Variants in ICE1 observed in about 807,000 individuals in gnomAD.
ICE1 encodes interactor of little elongation complex ELL subunit 1, also known as little elongation complex subunit 1.
ICE1 carries 64 observed loss-of-function variants against 192.7 expected under a neutral mutation model. The observed-to-expected ratio is 0.33, with a 90% CI of 0.27 to 0.41. ICE1 has a LOEUF of 0.41. Ranked by LOEUF, ICE1 falls within the 10% of genes least tolerant of loss-of-function variation. The pLI is 1.00. For missense variants in ICE1, 2,708 were observed against 2,696.0 expected (o/e 1.00, Z -0.10); for synonymous variants, 1,010 against 984.5 (o/e 1.03, Z -0.49).
At chr5:5,484,710 T>C (rs1473491408) in intron 17 of ICE1, among the ~76,000 whole-genome samples, 1 of 152,184 alleles carries the variant, frequency 6.6e-6, no homozygotes, top group Non-Finnish European at 1.5e-5. Flanking sequence ...CTAGTTCCTG[T>C]AGAGGATACA....
intron 11 of ICE1, among the ~76,000 whole-genome samples, chr5:5,455,573 A>C (rs1416469833): frequency 1.3e-5 from 2 of 152,202 alleles, no homozygotes; most frequent in Non-Finnish European, 2.9e-5. Context: ...TTCATTTCAT[A>C]ATCTAATGTT....
At position 5,463,318 on chromosome 5, in the gene ICE1, G is replaced by GC; in HGVS notation, c.3984_3985insC (p.Gly1329ArgfsTer12). The GC allele has an allele frequency of 1.2e-6, 2 of 1,613,630 alleles. No homozygotes were observed. Among genetic ancestry groups the GC allele is most frequent in the Non-Finnish European group, 1.7e-6 (2 of 1,179,802 alleles). On this transcript the variant is annotated frameshift_variant, in exon 13 of 19. Coordinates refer to ENST00000296564, the MANE Select transcript of ICE1 (RefSeq NM_015325.3). LOFTEE classifies it high-confidence loss of function. ...CACAAGCAGCTGCCTTGGACACTGA[G>GC]GGCAGCTCTCCCATCAGCGGTATGC...
At chr5:5,474,038 G>A (rs1267513626) in intron 16 of ICE1, among the ~76,000 whole-genome samples, 17 of 151,822 alleles carry the variant, frequency 1.1e-4, no homozygotes, top group Non-Finnish European at 2.1e-4. Context: ...ATGAAACCCC[G>A]TCTCTACTAA....
In ICE1 at chr5:5,467,222, C is replaced by CA. The variant is rs568762579; in HGVS notation, c.6061+721dup. 2.3e-3 allele frequency among the ~76,000 whole-genome samples: 348 copies of CA among 152,308 alleles called. 1 individual carries two copies. The highest frequency in any genetic ancestry group is 3.7e-3 in the Non-Finnish European group (255 of 68,036). On this transcript the variant is annotated intron_variant, in intron 14 of 18. Coordinates refer to ENST00000296564, the MANE Select transcript of ICE1 (RefSeq NM_015325.3). ...TTCTTTGTTTACTCTCTCAGTCATT[C>CA]ATTCAACAAATCATTATGGAGTGAA...
chr5:5,488,698 C>A (rs1739692762), intron 18 of ICE1, among the ~76,000 whole-genome samples: 1 of 152,232 alleles, frequency 6.6e-6, no homozygotes. Context: ...TTCATTATAT[C>A]TCTTATTATG....
chr5:5,441,091 A>T (rs1165869928), intron 4 of ICE1, 21 bp from the exon 5 acceptor site: 1 of 1,349,486 alleles, frequency 7.4e-7, no homozygotes, highest in Non-Finnish European at 1.0e-6. Context: ...TTCTGTAATA[A>T]TGTTAATTCA....
intron 1 of ICE1, among the ~76,000 whole-genome samples, chr5:5,424,515 C>CA (rs1177481372): frequency 1.3e-4 from 20 of 152,064 alleles, no homozygotes; most frequent in African/African-American, 4.8e-4. Context: ...GCAATTATGG[C>CA]ATTAGGGGAG....
At chr5:5,447,020 A>G (rs1194406580) in intron 7 of ICE1, among the ~76,000 whole-genome samples, 5 of 152,204 alleles carry the variant, frequency 3.3e-5, no homozygotes, top group Non-Finnish European at 7.3e-5. Context: ...AAGCATTGAG[A>G]AAATCGCCTC....
intron 10 of ICE1, among the ~76,000 whole-genome samples, chr5:5,453,264 T>C (rs1738477740): frequency 6.6e-6 from 1 of 152,102 alleles, no homozygotes; most frequent in Non-Finnish European, 1.5e-5. Flanking sequence ...ATTTTGGAAC[T>C]GAAAAATGGA....
At chr5:5,460,369 C>A in intron 12 of ICE1, 67 bp from the exon 13 acceptor site, 2 of 965,088 alleles carry the variant, frequency 2.1e-6, no homozygotes, top group African/African-American at 1.7e-5. Context: ...AAAAATAATG[C>A]ATTTAATTGA....
Position 5,473,678 on chromosome 5 carries a change from G to C in ICE1, c.6343G>C (p.Glu2115Gln), listed in dbSNP as rs1370643723. 1 of 1,613,146 alleles carries C rather than the reference G, an allele frequency of 6.2e-7. No individual in the cohort carries two copies. The highest frequency in any genetic ancestry group is 8.5e-7 in the Non-Finnish European group (1 of 1,179,628). Residue 2115 changes from glutamate (E) to glutamine (Q), a missense_variant, in exon 16 of 19, where the codon GAA becomes CAA. This residue lies in a region of ICE1 where 342 missense variants were observed against 419.3 expected (regional missense o/e 0.82). Coordinates refer to ENST00000296564, the MANE Select transcript of ICE1 (RefSeq NM_015325.3). ...TGAAGACCTAAGTGATAACACTTGG[G>C]AATACATATTTGCCATTGATCTGCT... ...FGEDLSDNTW[E>Q]YIFAIDLLCC... is the part of the protein sequence containing the mutation.
chr5:5,447,647 C>A (rs548710763), intron 8 of ICE1, 74 bp from the exon 9 acceptor site: 4 of 1,432,522 alleles, frequency 2.8e-6, no homozygotes, highest in Admixed American at 2.0e-5. Context: ...TTAAGTTGCA[C>A]CTGTTTTACA....
Position 5,463,127 on chromosome 5 carries a change from A to G in ICE1, c.3793A>G (p.Lys1265Glu). 2 of 1,612,990 alleles carry G rather than the reference A, an allele frequency of 1.2e-6. No homozygotes were observed. The highest frequency in any genetic ancestry group is 1.7e-6 in the Non-Finnish European group (2 of 1,179,524). Residue 1265 changes from lysine (K) to glutamate (E), a missense_variant, in exon 13 of 19, where the codon AAG (lysine) becomes GAG (glutamate). By Grantham distance (56) the Lys-to-Glu change is moderately conservative (BLOSUM62 1). Coordinates refer to ENST00000296564, the MANE Select transcript of ICE1 (RefSeq NM_015325.3). ...SLETLSEVLTKIRQELQTNSE... is the reference protein window; with the variant it reads ...SLETLSEVLTEIRQELQTNSE... ...GGAAACTCTGTCTGAGGTTCTGACC[A>G]AGATTAGGCAAGAACTTCAAACAAA...
rs1738866215 is a variant in ICE1, at chr5:5,463,445, G to C, written c.4111G>C (p.Ala1371Pro). 6.2e-7 allele frequency: 1 copy of C among 1,612,980 alleles called. No individual in the cohort carries two copies. Among genetic ancestry groups the C allele is most frequent in the African/African-American group, 1.3e-5 (1 of 74,914 alleles). Reference protein sequence around the residue: ...EDLPEPVEPSALCSDSVMEPS... With the variant: ...EDLPEPVEPSPLCSDSVMEPS... ...CCTGCCAGAACCTGTGGAGCCATCA[G>C]CCTTGTGCTCTGACTCTGTGATGGA... Residue 1371 changes from alanine (A) to proline (P), a missense_variant, in exon 13 of 19, where the codon GCC (alanine) becomes CCC (proline). This residue lies in a region of ICE1 where 2,366 missense variants were observed against 2,276.6 expected (regional missense o/e 1.04). Coordinates refer to ENST00000296564, the MANE Select transcript of ICE1 (RefSeq NM_015325.3).
chr5:5,455,047 A>G (rs908908777), intron 11 of ICE1, among the ~76,000 whole-genome samples: 9 of 152,228 alleles, frequency 5.9e-5, no homozygotes, highest in African/African-American at 9.6e-5. Context: ...GGGGCATTCT[A>G]GCACATTCAC....
chr5:5,474,738 A>G (rs186913566), intron 16 of ICE1, among the ~76,000 whole-genome samples: 2 of 152,322 alleles, frequency 1.3e-5, no homozygotes, highest in East Asian at 3.9e-4. Flanking sequence ...ATTAAAAAGG[A>G]TGCATCAAAG....
Position 5,462,709 on chromosome 5 carries a change from T to A in ICE1, c.3375T>A (p.Ala1125=). The change falls in exon 13 of 19, where the codon GCT becomes GCA. Residue 1125 remains alanine, a synonymous_variant. Transcript: ENST00000296564. ...SCSEGSEQQD[A]PDDSQKNLGD... Reference sequence around the variant, plus strand: ...GTGAGGGGAGCGAACAGCAAGATGCTCCTGATGACTCACAGAAAAATTTAG... The same window carrying A: ...GTGAGGGGAGCGAACAGCAAGATGCACCTGATGACTCACAGAAAAATTTAG... The A allele has an allele frequency of 6.2e-7, 1 of 1,613,888 alleles. No individual in the cohort carries two copies. The highest frequency in any genetic ancestry group is 8.5e-7 in the Non-Finnish European group (1 of 1,179,832).
chr5:5,426,898 T>C (rs1248498623), intron 1 of ICE1, among the ~76,000 whole-genome samples: 1 of 152,250 alleles, frequency 6.6e-6, no homozygotes, highest in Non-Finnish European at 1.5e-5. Flanking sequence ...TATTCTGTGC[T>C]ATAGTTTTAA....
intron 3 of ICE1, chr5:5,437,316 A>T (rs1737897697): frequency 2.2e-6 from 1 of 450,180 alleles, no homozygotes; most frequent in Non-Finnish European, 4.0e-6. Context: ...TAAAAATGAG[A>T]TTACTTTTCT....
Sources: allele counts gnomAD v4.1 joint callset (sites outside exome capture counted in the v4.1 genomes callset), GRCh38; gene constraint gnomAD v4.1.1; regional missense constraint gnomAD v4.1.1; transcripts MANE v1.5; gene names NCBI Gene and HGNC (gene_info 2026-07-23, HGNC 2026-07-21).